LAYN: variants seen among roughly 807,000 people sequenced by gnomAD.
LAYN encodes layilin.
In LAYN, 38 loss-of-function variants were observed where a neutral mutation model predicts 43.6. The ratio of observed to expected loss-of-function variants is 0.87; its 90% CI spans 0.67 to 1.14. The LOEUF (loss-of-function observed/expected upper bound fraction) is 1.14. Ranked by LOEUF, LAYN falls within the 50% of genes most tolerant of loss-of-function variation. LAYN has a pLI of 0.00. For synonymous variants in LAYN, 168 were observed against 172.9 expected (o/e 0.97, Z 0.22); for missense variants, 479 against 463.8 (o/e 1.03, Z -0.30).
chr11:111,557,481 A>G, intron 5 of LAYN, 60 bp from the exon 6 acceptor site: 2 of 1,328,558 alleles, frequency 1.5e-6, no homozygotes, highest in Non-Finnish European at 2.2e-6. Flanking sequence ...CCTGGTTTGA[A>G]GCACAGAAAA....
chr11:111,548,168 G>A (rs906739253), intron 2 of LAYN, among the ~76,000 whole-genome samples: 1 of 152,116 alleles, frequency 6.6e-6, no homozygotes, highest in Non-Finnish European at 1.5e-5. Context: ...ATGTCAACTT[G>A]CACCCTGTGT....
intron 1 of LAYN, among the ~76,000 whole-genome samples, chr11:111,542,438 A>G (rs185969408): frequency 1.5e-4 from 23 of 152,358 alleles, no homozygotes; most frequent in Middle Eastern, 3.4e-3. Flanking sequence ...GAAATAGAAA[A>G]TGAAGACTCA....
chr11:111,551,670 C>T (rs1416633974), intron 3 of LAYN, among the ~76,000 whole-genome samples: 1 of 152,110 alleles, frequency 6.6e-6, no homozygotes, highest in Non-Finnish European at 1.5e-5. Flanking sequence ...TTGAAACACC[C>T]CTTTCCCAGC....
At chr11:111,556,797 A>G (rs1867853314) in intron 5 of LAYN, among the ~76,000 whole-genome samples, 1 of 152,152 alleles carries the variant, frequency 6.6e-6, no homozygotes, top group South Asian at 2.1e-4. Flanking sequence ...GGTCAGTGGG[A>G]GTAGGAAGAG....
At chr11:111,549,835 T>A in intron 3 of LAYN, 60 bp downstream of exon 3, 1 of 1,522,816 alleles carries the variant, frequency 6.6e-7, no homozygotes. Context: ...TTTCATGAGC[T>A]GCTGCTAGTA....
chr11:111,540,895 G>C lies in LAYN; in HGVS notation c.52G>C (p.Gly18Arg). ...QAVLLAVLLV[G>R]LRAATGRLLS... ...CGTGCTGCTGGCCGTGCTGCTGGTG[G>C]GGCTGCGGGCCGCGACGGGTCGCCT... The change falls in exon 1 of 7, where the codon GGG becomes CGG. Residue 18 changes from glycine to arginine, a missense_variant. Transcript: ENST00000375614. The C allele has an allele frequency of 6.5e-7, 1 of 1,532,438 alleles. No individual in the cohort carries two copies. Among genetic ancestry groups the C allele is most frequent in the Non-Finnish European group, 8.7e-7 (1 of 1,145,762 alleles). The allele number at this position is 1,532,438 out of a possible 1,614,324, so 94.9% of individuals were successfully genotyped here.
Position 111,561,444 on chromosome 11 carries a change from ACGTTGTTCTGTTTG to A in LAYN, c.*988_*1001del, listed in dbSNP as rs1867955940. The A allele has an allele frequency of 6.6e-6, 1 of 152,196 alleles. No homozygotes were observed. The highest frequency in any genetic ancestry group is 1.5e-5 in the Non-Finnish European group (1 of 68,028). 9.4% of individuals were successfully genotyped at this position (152,196 alleles called of 1,614,324 possible). On this transcript the variant is annotated 3_prime_UTR_variant, in exon 7 of 7. Transcript: ENST00000375614. ...TATGTACTCCCATCCCTGATACTACACGTTGTTCTGTTTGCATGTTTGTTACTGCAGCATCAACA... is the reference window on the plus strand; with the variant it reads ...TATGTACTCCCATCCCTGATACTACACATGTTTGTTACTGCAGCATCAACA...
intron 6 of LAYN, among the ~76,000 whole-genome samples, chr11:111,558,546 C>T (rs1867884412): frequency 6.6e-6 from 1 of 151,860 alleles, no homozygotes; most frequent in Non-Finnish European, 1.5e-5. Context: ...GAATTTAGTT[C>T]AAAAAATTAC....
chr11:111,545,543 G>A (rs1256713123), intron 2 of LAYN, among the ~76,000 whole-genome samples: 1 of 152,152 alleles, frequency 6.6e-6, no homozygotes, highest in African/African-American at 2.4e-5. Context: ...CCGATGGTTA[G>A]GGCCACTTTC....
chr11:111,540,703 C>G (rs1867512817), upstream of LAYN: 1 of 769,820 alleles, frequency 1.3e-6, no homozygotes, highest in East Asian at 3.3e-5. Context: ...GACTCCGCGC[C>G]CTCCCCCCCG....
intron 1 of LAYN, among the ~76,000 whole-genome samples, chr11:111,542,768 C>T (rs1027688720): frequency 6.6e-6 from 1 of 152,206 alleles, no homozygotes; most frequent in African/African-American, 2.4e-5. Flanking sequence ...CATTTGAATC[C>T]GGAAACATAT....
At chr11:111,557,687 T>C (rs1455708099) in intron 6 of LAYN, 44 bp downstream of exon 6, 1 of 1,460,656 alleles carries the variant, frequency 6.8e-7, no homozygotes, top group Non-Finnish European at 9.6e-7. Flanking sequence ...TCTTCTGCTC[T>C]CTTTGAGATT....
intron 5 of LAYN, among the ~76,000 whole-genome samples, chr11:111,556,031 G>T (rs1867833627): frequency 6.6e-6 from 1 of 152,162 alleles, no homozygotes; most frequent in Non-Finnish European, 1.5e-5. Flanking sequence ...TTCAGACATT[G>T]ACTGCAAGTT....
intron 3 of LAYN, among the ~76,000 whole-genome samples, chr11:111,552,556 C>A (rs1198282469): frequency 6.6e-6 from 1 of 152,204 alleles, no homozygotes; most frequent in Non-Finnish European, 1.5e-5. Flanking sequence ...TTGCTTACTT[C>A]TGGGGTGTGC....
intron 3 of LAYN, among the ~76,000 whole-genome samples, chr11:111,550,457 A>G (rs1304955040): frequency 6.6e-6 from 1 of 152,186 alleles, no homozygotes; most frequent in African/African-American, 2.4e-5. Context: ...CTGCCCTTGA[A>G]GTTTCTCACT....
rs752084691 is a variant in LAYN at position 111,549,612 on chromosome 11, C to T, written c.384-6C>T. On this transcript the variant is annotated splice_polypyrimidine_tract_variant and splice_region_variant and intron_variant, in intron 2 of 6. Coordinates refer to ENST00000375614, the MANE Select transcript of LAYN (RefSeq NM_178834.5). ...GTTGCCTCTACTGCTGATCCCTTCC[C>T]TACAGGAACTGGTATGTGGATGAGC... 5.2e-6 allele frequency: 8 copies of T among 1,538,660 alleles called. No individual in the cohort carries two copies. Among genetic ancestry groups the T allele is most frequent in the African/African-American group, 1.4e-5 (1 of 70,396 alleles).
chr11:111,557,624 G>A lies in LAYN; in HGVS notation c.742G>A (p.Val248Ile), dbSNP rs1867870775. ...TGTGGTCACCACAGTTGTATGTTGG[G>A]TTTGGATCTGTAGAAAAAGGCAAGT... ...LLVVTTVVCW[V>I]WICRKRKREQ... is the part of the protein sequence containing the mutation. The change falls in exon 6 of 7, where the codon GTT (valine) becomes ATT (isoleucine). Residue 248 changes from valine to isoleucine, a missense_variant. Transcript: ENST00000375614. 1.9e-6 allele frequency: 3 copies of A among 1,613,644 alleles called. No homozygotes were observed. The highest frequency in any genetic ancestry group is 2.5e-6 in the Non-Finnish European group (3 of 1,179,692).
chr11:111,541,048 C>A, intron 1 of LAYN, 120 bp downstream of exon 1: 1 of 870,586 alleles, frequency 1.1e-6, no homozygotes, highest in Non-Finnish European at 1.7e-6. Flanking sequence ...TGCCCCACTC[C>A]CAGACGCAGC....
intron 1 of LAYN, chr11:111,541,436 G>T: frequency 1.1e-6 from 1 of 871,616 alleles, no homozygotes. Context: ...GGGTTGGATG[G>T]CTGGGTCGAG....
Sources: gnomAD v4.1 joint callset for allele counts (sites outside exome capture counted in the v4.1 genomes callset) on GRCh38, gnomAD v4.1.1 for gene constraint, MANE v1.5 for transcripts, NCBI Gene and HGNC (gene_info 2026-07-23, HGNC 2026-07-21) for gene names.